The following RBFOX1 variants were observed in gnomAD, a reference collection of about 807,000 sequenced individuals.
The protein encoded by RBFOX1 is RNA binding protein fox-1 homolog 1.
RBFOX1 carries 8 observed loss-of-function variants against 57.7 expected under a neutral mutation model. The observed-to-expected ratio is 0.14, with a 90% CI of 0.08 to 0.25. The LOEUF is 0.25. Ranked by LOEUF, RBFOX1 falls within the 10% of genes least tolerant of loss-of-function variation. The pLI, the probability that RBFOX1 is intolerant of heterozygous loss-of-function variation, is 1.00. For synonymous variants in RBFOX1, 326 were observed against 222.4 expected, an observed-to-expected ratio of 1.47 and a Z score of -4.15; for missense variants, 611 against 548.5, an observed-to-expected ratio of 1.11 and a Z score of -1.14.
chr16:5,984,244 G>T (rs949236344), intron 4 of RBFOX1, among the ~76,000 whole-genome samples: 1 of 140,456 alleles, frequency 7.1e-6, no homozygotes, highest in Non-Finnish European at 1.5e-5. Flanking sequence ...GGAACCAGGA[G>T]CAATAAAAGT....
intron 3 of RBFOX1, among the ~76,000 whole-genome samples, chr16:6,769,180 C>A (rs6500819): frequency 0.74 from 111,909 of 152,048 alleles, 41,954 homozygotes; most frequent in East Asian, 0.93. Context: ...CATGATAGTG[C>A]ATAAGCCTCA....
At chr16:7,304,253 C>G (rs997171310) in intron 4 of RBFOX1, 1 of 981,346 alleles carries the variant, frequency 1.0e-6, no homozygotes, top group Non-Finnish European at 1.2e-6. Flanking sequence ...AGAGACAGCG[C>G]GAGCCACCGG....
intron 2 of RBFOX1, among the ~76,000 whole-genome samples, chr16:6,601,959 T>C (rs918396221): frequency 3.9e-5 from 6 of 152,010 alleles, no homozygotes; most frequent in African/African-American, 1.5e-4. Context: ...TTCAGACCAT[T>C]CAGATAAACA....
intron 2 of RBFOX1, among the ~76,000 whole-genome samples, chr16:5,595,518 C>T (rs1175126354): frequency 2.6e-5 from 4 of 152,252 alleles, no homozygotes; most frequent in Admixed American, 6.5e-5. Context: ...ACAGCTGGTT[C>T]GGGACCCTGG....
chr16:6,665,243 T>C (rs1201112815), intron 3 of RBFOX1, among the ~76,000 whole-genome samples: 1 of 152,152 alleles, frequency 6.6e-6, no homozygotes. Flanking sequence ...TAAAGGGCGA[T>C]GTCCCTCTTG....
At chr16:7,708,569 C>G (rs947312614) in intron 14 of RBFOX1, among the ~76,000 whole-genome samples, 9 of 152,194 alleles carry the variant, frequency 5.9e-5, no homozygotes, top group African/African-American at 2.2e-4. Flanking sequence ...TTGTTCCTTT[C>G]CATTCTAAGA....
intron 3 of RBFOX1, among the ~76,000 whole-genome samples, chr16:6,970,312 G>A (rs187779908): frequency 2.0e-4 from 31 of 152,264 alleles, no homozygotes; most frequent in African/African-American, 6.7e-4. Flanking sequence ...GACTATTTCT[G>A]TCCTTTCATT....
chr16:5,599,447 G>A (rs531839794), exon 3 of RBFOX1: 32 of 549,380 alleles, frequency 5.8e-5, no homozygotes, highest in African/African-American at 1.9e-4. Context: ...GTGAATTCCC[G>A]TGTATCCCTC....
intron 3 of RBFOX1, among the ~76,000 whole-genome samples, chr16:6,748,408 C>G (rs1603511340): frequency 6.6e-6 from 1 of 152,120 alleles, no homozygotes; most frequent in Non-Finnish European, 1.5e-5. Context: ...CACCTATAAT[C>G]CCAACACTTT....
chr16:7,510,068 G>C, intron 4 of RBFOX1: 4 of 859,728 alleles, frequency 4.7e-6, no homozygotes, highest in Non-Finnish European at 5.6e-6. Flanking sequence ...GTGATTGATG[G>C]GCCAGGCCTT....
At chr16:5,605,865 G>T (rs1462654029) in intron 3 of RBFOX1, among the ~76,000 whole-genome samples, 7 of 152,210 alleles carry the variant, frequency 4.6e-5, no homozygotes, top group Admixed American at 2.6e-4. Context: ...GGAGGGGAGA[G>T]TGCCAACACA....
intron 3 of RBFOX1, among the ~76,000 whole-genome samples, chr16:6,710,921 G>A (rs2063601151): frequency 6.6e-6 from 1 of 152,154 alleles, no homozygotes; most frequent in African/African-American, 2.4e-5. Flanking sequence ...GACAGGGAGG[G>A]GATGATGGGC....
chr16:6,515,064 G>C (rs1358835977), intron 2 of RBFOX1, among the ~76,000 whole-genome samples: 1 of 151,790 alleles, frequency 6.6e-6, no homozygotes, highest in East Asian at 1.9e-4. Context: ...AAGGAAGGAA[G>C]AAAAGAATGG....
At chr16:7,619,763 C>A (rs1395198033) in intron 10 of RBFOX1, among the ~76,000 whole-genome samples, 2 of 152,050 alleles carry the variant, frequency 1.3e-5, no homozygotes, top group Non-Finnish European at 2.9e-5. Context: ...ATGACAGTTT[C>A]TAATTTTTTT....
At chr16:5,909,543 G>T (rs960264488) in intron 4 of RBFOX1, among the ~76,000 whole-genome samples, 1 of 152,226 alleles carries the variant, frequency 6.6e-6, no homozygotes, top group Non-Finnish European at 1.5e-5. Context: ...AGGAGGCACG[G>T]TTTATAGACC....
chr16:7,003,528 G>A (rs1477588639), intron 3 of RBFOX1, among the ~76,000 whole-genome samples: 1 of 151,578 alleles, frequency 6.6e-6, no homozygotes, highest in African/African-American at 2.4e-5. Context: ...CTGCTCTCAG[G>A]GATGCATATT....
At chr16:6,551,532 G>T (rs1396578284) in intron 2 of RBFOX1, among the ~76,000 whole-genome samples, 1 of 152,150 alleles carries the variant, frequency 6.6e-6, no homozygotes, top group East Asian at 1.9e-4. Context: ...TCTGCAGGCT[G>T]GTAGCACACA....
intron 4 of RBFOX1, among the ~76,000 whole-genome samples, chr16:5,950,285 C>G (rs2152275614): frequency 6.6e-6 from 1 of 152,348 alleles, no homozygotes; most frequent in African/African-American, 2.4e-5. Flanking sequence ...CCTGCCTAGA[C>G]TGAACACCCA....
At chr16:7,377,990 A>T (rs544155303) in intron 4 of RBFOX1, among the ~76,000 whole-genome samples, 3 of 152,320 alleles carry the variant, frequency 2.0e-5, no homozygotes, top group African/African-American at 7.2e-5. Flanking sequence ...GAGCACGGGG[A>T]ACAGAATGTG....
Sources: allele counts gnomAD v4.1 joint callset (sites outside exome capture counted in the v4.1 genomes callset), GRCh38; gene constraint gnomAD v4.1.1; transcripts MANE v1.5; gene names NCBI Gene and HGNC (gene_info 2026-07-23, HGNC 2026-07-21).